The following SVOP variants were observed in gnomAD, a reference collection of about 807,000 sequenced individuals.
SVOP encodes synaptic vesicle 2-related protein.
In SVOP, 17 loss-of-function variants were observed where a neutral mutation model predicts 69.1. That is an observed-to-expected ratio of 0.25 (90% CI 0.17 to 0.37). SVOP has a LOEUF of 0.37. SVOP is among the 10% of genes least tolerant of loss of function. The pLI is 1.00. For synonymous variants in SVOP, 238 were observed against 238.6 expected (o/e 1.00, Z 0.02); for missense variants, 435 against 597.5 (o/e 0.73, Z 2.84).
chr12:108,960,462 C>T (rs2040011880), intron 6 of SVOP, among the ~76,000 whole-genome samples: 1 of 152,134 alleles, frequency 6.6e-6, no homozygotes, highest in African/African-American at 2.4e-5. Context: ...GCATCATACT[C>T]TGCCTTGCGT....
chr12:108,965,235 T>C (rs777624824), intron 5 of SVOP, among the ~76,000 whole-genome samples: 5 of 152,346 alleles, frequency 3.3e-5, no homozygotes, highest in African/African-American at 4.8e-5. Context: ...TATTTTCATG[T>C]CTACTTTACA....
At chr12:109,016,557 G>A (rs2040368900) in intron 1 of SVOP, among the ~76,000 whole-genome samples, 1 of 152,044 alleles carries the variant, frequency 6.6e-6, no homozygotes, top group African/African-American at 2.4e-5. Context: ...GACACACCAA[G>A]CTTTTTTCCC....
In SVOP at chr12:108,909,146, G is replaced by T; in HGVS notation, c.*3389C>A. On this transcript the variant is annotated 3_prime_UTR_variant, in exon 16 of 16. Coordinates refer to ENST00000610966, the MANE Select transcript of SVOP (RefSeq NM_018711.5). ...TGGTGAAAAGAAAAGGCAAAAAGAA[G>T]CTGGGTTCTTGATAACATTGTTGAG... 1 of 152,346 alleles carries T rather than the reference G, an allele frequency of 6.6e-6. No homozygotes were observed. 9.4% of individuals were successfully genotyped at this position (152,346 alleles called of 1,614,324 possible).
intron 1 of SVOP, among the ~76,000 whole-genome samples, chr12:109,006,464 A>G (rs7302362): frequency 6.6e-6 from 1 of 152,162 alleles, no homozygotes; most frequent in African/African-American, 2.4e-5. Context: ...ACAGATCCCA[A>G]GAAGAAGGGG....
chr12:108,950,013 C>T (rs1009840527), intron 6 of SVOP, among the ~76,000 whole-genome samples: 6 of 152,112 alleles, frequency 3.9e-5, no homozygotes, highest in East Asian at 1.9e-4. Context: ...TGTTAGGTTC[C>T]GCTTCAGTAA....
chr12:108,914,664 G>T (rs143406687), intron 15 of SVOP, among the ~76,000 whole-genome samples: 270 of 152,048 alleles, frequency 1.8e-3, no homozygotes, highest in African/African-American at 6.3e-3. Context: ...TGCCTCCTGG[G>T]TTCAAGCAAT....
chr12:108,971,468 A>G (rs531093999), intron 5 of SVOP, among the ~76,000 whole-genome samples: 1 of 152,016 alleles, frequency 6.6e-6, no homozygotes, highest in African/African-American at 2.4e-5. Flanking sequence ...TGCTTGCCCA[A>G]GATCACACAG....
At chr12:108,935,408 C>G (rs2039850367) in intron 10 of SVOP, among the ~76,000 whole-genome samples, 1 of 152,180 alleles carries the variant, frequency 6.6e-6, no homozygotes, top group Non-Finnish European at 1.5e-5. Flanking sequence ...AAATTAGTCT[C>G]TAATTAATTG....
chr12:108,909,450 A>T lies in SVOP; in HGVS notation c.*3085T>A, dbSNP rs1260326342. On this transcript the variant is annotated 3_prime_UTR_variant, in exon 16 of 16. Transcript: ENST00000610966. Reference sequence around the variant, plus strand: ...AGAATCGCTTGAACCTGGGAGACAGAGTTGCAGTGAGCTGAGACTTCATCT... The same window carrying T: ...AGAATCGCTTGAACCTGGGAGACAGTGTTGCAGTGAGCTGAGACTTCATCT... 1 of 149,704 alleles carries T rather than the reference A, an allele frequency of 6.7e-6. No individual in the cohort carries two copies. The highest frequency in any genetic ancestry group is 1.5e-5 in the Non-Finnish European group (1 of 67,866). 9.3% of individuals were successfully genotyped at this position (149,704 alleles called of 1,614,324 possible).
intron 5 of SVOP, 39 bp from the exon 6 acceptor site, chr12:108,961,086 A>G (rs763409337): frequency 5.9e-6 from 9 of 1,523,302 alleles, no homozygotes; most frequent in Admixed American, 2.0e-5. Context: ...AGGGCTTTTC[A>G]GCACCTCCAG....
chr12:108,969,104 G>A (rs2040063608), intron 5 of SVOP, among the ~76,000 whole-genome samples: 1 of 151,752 alleles, frequency 6.6e-6, no homozygotes. Flanking sequence ...TATTTTAAAG[G>A]CTTAAAGATT....
chr12:108,921,769 A>G (rs2039749577), intron 12 of SVOP, among the ~76,000 whole-genome samples: 1 of 152,156 alleles, frequency 6.6e-6, no homozygotes, highest in Admixed American at 6.5e-5. Flanking sequence ...AGTTGCGGGA[A>G]CAGTTTCTGC....
At chr12:108,936,124 C>A (rs912605467) in intron 10 of SVOP, among the ~76,000 whole-genome samples, 2 of 152,004 alleles carry the variant, frequency 1.3e-5, no homozygotes, top group East Asian at 3.9e-4. Flanking sequence ...CGGCTCACTG[C>A]AGCTTCTGTC....
chr12:108,984,115 T>C (rs2137438918), intron 1 of SVOP, among the ~76,000 whole-genome samples: 1 of 152,308 alleles, frequency 6.6e-6, no homozygotes, highest in Admixed American at 6.5e-5. Context: ...TCTAACATTT[T>C]GGTCATCTAA....
intron 2 of SVOP, among the ~76,000 whole-genome samples, chr12:108,980,756 C>CAAAA (rs1270692950): frequency 5.0e-5 from 3 of 60,342 alleles, no homozygotes; most frequent in African/African-American, 2.3e-4. Context: ...GACTCCGTCT[C>CAAAA]AAAAAAAAAA....
rs1031446423 is a variant in SVOP, at chr12:108,912,271, G to C, written c.*264C>G. 1 of 1,358,372 alleles carries C rather than the reference G, an allele frequency of 7.4e-7. No individual in the cohort carries two copies. Among genetic ancestry groups the C allele is most frequent in the African/African-American group, 1.5e-5 (1 of 68,260 alleles). The allele number at this position is 1,358,372 out of a possible 1,614,324, so 84.1% of individuals were successfully genotyped here. On this transcript the variant is annotated 3_prime_UTR_variant, in exon 16 of 16. Transcript: ENST00000610966. ...GGCATTACCAGACCCTCCTAATATG[G>C]GTAGTCTTCCCATGTAGATCCACAG...
chr12:108,985,687 A>C (rs2040162386), intron 1 of SVOP, among the ~76,000 whole-genome samples: 1 of 152,198 alleles, frequency 6.6e-6, no homozygotes, highest in African/African-American at 2.4e-5. Context: ...TGTTAAGAAA[A>C]AGAAAAAAGT....
chr12:109,009,635 G>C (rs964056252), intron 1 of SVOP, among the ~76,000 whole-genome samples: 2 of 152,054 alleles, frequency 1.3e-5, no homozygotes, highest in African/African-American at 4.8e-5. Flanking sequence ...GGCTGGTCTC[G>C]AACTCCTAAC....
At chr12:108,991,202 G>C (rs2040198434) in intron 1 of SVOP, among the ~76,000 whole-genome samples, 1 of 152,194 alleles carries the variant, frequency 6.6e-6, no homozygotes, top group African/African-American at 2.4e-5. Context: ...AGGAGCAAAG[G>C]CTTGGTGACA....
Sources: allele counts gnomAD v4.1 joint callset (sites outside exome capture counted in the v4.1 genomes callset), GRCh38; gene constraint gnomAD v4.1.1; transcripts MANE v1.5; gene names NCBI Gene and HGNC (gene_info 2026-07-23, HGNC 2026-07-21).